Variants in NKAIN2 observed in about 807,000 individuals in gnomAD.
NKAIN2 encodes sodium/potassium transporting ATPase interacting 2.
NKAIN2 carries 14 observed loss-of-function variants against 32.6 expected under a neutral mutation model. The ratio of observed to expected loss-of-function variants is 0.43; its 90% CI spans 0.28 to 0.67. The LOEUF is 0.67. NKAIN2 is among the 30% of genes least tolerant of loss of function. The pLI is 0.17. For missense variants in NKAIN2, 198 were observed against 258.3 expected (o/e 0.77, Z 1.60); for synonymous variants, 80 against 87.2 (o/e 0.92, Z 0.46).
intron 3 of NKAIN2, among the ~76,000 whole-genome samples, chr6:124,601,989 C>A (rs553591122): frequency 3.9e-5 from 6 of 152,104 alleles, no homozygotes; most frequent in African/African-American, 1.2e-4. Context: ...TGATGTTAAT[C>A]TCCCCAATTT....
rs1359472284 is a variant in NKAIN2 at position 123,938,451 on chromosome 6, T to TACAC, written c.54+134210_54+134213dup. On this transcript the variant is annotated intron_variant, in intron 1 of 6. Transcript: ENST00000368417. ...ATATATATATATATATATATATATA[T>TACAC]ACACACACACACACACGCATATTAT... 5.3e-3 allele frequency among the ~76,000 whole-genome samples: 429 copies of TACAC among 81,118 alleles called. 2 individuals carry two copies. The highest frequency in any genetic ancestry group is 0.015 in the African/African-American group (214 of 14,408). The allele number at this position is 81,118 out of a possible 152,430, so 53.2% of individuals were successfully genotyped here. A position where few individuals can be genotyped will look rare whatever the true frequency, so the allele number is the denominator to read the frequency against.
At chr6:124,681,713 A>C (rs2114505723) in intron 4 of NKAIN2, among the ~76,000 whole-genome samples, 1 of 152,112 alleles carries the variant, frequency 6.6e-6, no homozygotes, top group Non-Finnish European at 1.5e-5. Flanking sequence ...ACATATGGGG[A>C]TAGAGAAAGT....
intron 3 of NKAIN2, among the ~76,000 whole-genome samples, chr6:124,518,170 A>G (rs1334108540): frequency 6.6e-6 from 1 of 152,048 alleles, no homozygotes; most frequent in Non-Finnish European, 1.5e-5. Flanking sequence ...CACTATCTGT[A>G]AAAGCATGCG....
chr6:124,643,332 AT>A (rs547226938), intron 3 of NKAIN2, among the ~76,000 whole-genome samples: 52 of 152,266 alleles, frequency 3.4e-4, no homozygotes, highest in Non-Finnish European at 6.6e-4. Flanking sequence ...CAAGTTGTAT[AT>A]CTATAGTTTT....
intron 1 of NKAIN2, among the ~76,000 whole-genome samples, chr6:124,237,043 C>A (rs1039452066): frequency 6.6e-6 from 1 of 152,118 alleles, no homozygotes; most frequent in Non-Finnish European, 1.5e-5. Context: ...CTGGATAATT[C>A]ACATAAGTAT....
chr6:124,298,133 A>G (rs548895645), intron 2 of NKAIN2, among the ~76,000 whole-genome samples: 6 of 152,290 alleles, frequency 3.9e-5, no homozygotes, highest in Admixed American at 6.5e-5. Context: ...AATAGCAATA[A>G]CACCTCATCT....
intron 1 of NKAIN2, among the ~76,000 whole-genome samples, chr6:123,838,785 C>A (rs145645078): frequency 6.6e-6 from 1 of 152,092 alleles, no homozygotes; most frequent in Admixed American, 6.5e-5. Flanking sequence ...GCCATTTAAA[C>A]GTGCATTTGA....
At chr6:124,165,822 C>T in intron 1 of NKAIN2, among the ~76,000 whole-genome samples, 4 of 139,994 alleles carry the variant, frequency 2.9e-5, no homozygotes, top group Non-Finnish European at 4.7e-5. Flanking sequence ...CAATTTCATC[C>T]ATGTCCCTAC....
rs537608315 is a variant in NKAIN2, at chr6:124,291,587, G to A, written c.192+8445G>A. Reference sequence around the variant, plus strand: ...AATGCAATTGTCTTGAAACCCCTCCGCAGGAATCTCATCAAGCAGCCAGGG... The same window carrying A: ...AATGCAATTGTCTTGAAACCCCTCCACAGGAATCTCATCAAGCAGCCAGGG... On this transcript the variant is annotated intron_variant, in intron 2 of 6. Coordinates refer to ENST00000368417, the MANE Select transcript of NKAIN2 (RefSeq NM_001040214.3). Among the ~76,000 whole-genome samples the A allele has an allele frequency of 4.6e-5, 7 of 152,024 alleles. No homozygotes were observed. The East Asian group carries it at 9.7e-4, about 21-fold the overall frequency.
At chr6:124,490,868 A>G (rs1293525471) in intron 3 of NKAIN2, among the ~76,000 whole-genome samples, 1 of 151,812 alleles carries the variant, frequency 6.6e-6, no homozygotes, top group African/African-American at 2.4e-5. Flanking sequence ...TTCAAAATTG[A>G]TGATGTTTTC....
chr6:124,451,730 A>G (rs1776115391), intron 3 of NKAIN2, among the ~76,000 whole-genome samples: 1 of 152,198 alleles, frequency 6.6e-6, no homozygotes, highest in Non-Finnish European at 1.5e-5. Flanking sequence ...CTTTATAGAT[A>G]TCTCAAACCT....
intron 3 of NKAIN2, among the ~76,000 whole-genome samples, chr6:124,358,750 T>C: frequency 6.6e-6 from 1 of 151,778 alleles, no homozygotes; most frequent in African/African-American, 2.4e-5. Flanking sequence ...GTAGTTTCTT[T>C]TGCTGTGCAG....
chr6:124,419,726 T>C (rs1047246288), intron 3 of NKAIN2, among the ~76,000 whole-genome samples: 12 of 152,202 alleles, frequency 7.9e-5, no homozygotes, highest in South Asian at 4.1e-4. Flanking sequence ...CTTTGTTCCT[T>C]TCTGAATTAT....
At chr6:123,866,012 G>A (rs1194000118) in intron 1 of NKAIN2, among the ~76,000 whole-genome samples, 2 of 152,164 alleles carry the variant, frequency 1.3e-5, no homozygotes, top group African/African-American at 2.4e-5. Flanking sequence ...TCACTTCCAA[G>A]GGTACCCATG....
At chr6:124,481,956 G>A (rs1030064108) in intron 3 of NKAIN2, among the ~76,000 whole-genome samples, 1 of 152,036 alleles carries the variant, frequency 6.6e-6, no homozygotes, top group Non-Finnish European at 1.5e-5. Context: ...GTATGACTGT[G>A]GCAAATTTTA....
chr6:123,952,162 G>T (rs1777358777), intron 1 of NKAIN2, among the ~76,000 whole-genome samples: 2 of 151,970 alleles, frequency 1.3e-5, no homozygotes, highest in South Asian at 2.1e-4. Flanking sequence ...GTATACATTT[G>T]CAGGGCTTAA....
intron 1 of NKAIN2, among the ~76,000 whole-genome samples, chr6:123,832,682 A>G (rs183425464): frequency 2.4e-4 from 37 of 152,260 alleles, no homozygotes; most frequent in Middle Eastern, 6.8e-3. Context: ...AGGCATGTAG[A>G]AGTATCTCAT....
At chr6:123,933,549 A>G (rs1258201639) in intron 1 of NKAIN2, among the ~76,000 whole-genome samples, 1 of 152,230 alleles carries the variant, frequency 6.6e-6, no homozygotes, top group Non-Finnish European at 1.5e-5. Context: ...CAAAGAAACT[A>G]CGGGTTCCTT....
intron 1 of NKAIN2, among the ~76,000 whole-genome samples, chr6:124,009,922 A>G (rs958575448): frequency 3.3e-5 from 5 of 152,162 alleles, no homozygotes; most frequent in African/African-American, 1.2e-4. Flanking sequence ...TTATGTGTAC[A>G]TAATATATGT....
Sources: gnomAD v4.1 joint callset for allele counts (sites outside exome capture counted in the v4.1 genomes callset) on GRCh38, gnomAD v4.1.1 for gene constraint, MANE v1.5 for transcripts, NCBI Gene and HGNC (gene_info 2026-07-23, HGNC 2026-07-21) for gene names.